The following ZNRF3 variants were observed in gnomAD, a reference collection of about 807,000 sequenced individuals.
ZNRF3 encodes the protein E3 ubiquitin-protein ligase ZNRF3.
Under a neutral mutation model 72.5 loss-of-function variants are expected in ZNRF3, and 23 were observed. The ratio of observed to expected loss-of-function variants is 0.32; its 90% CI spans 0.23 to 0.45. The LOEUF is 0.45. ZNRF3 is among the 20% of genes least tolerant of loss of function. The pLI is 1.00. For synonymous variants in ZNRF3, 610 were observed against 545.3 expected (o/e 1.12, Z -1.65); for missense variants, 1,169 against 1,272.1 (o/e 0.92, Z 1.23).
At chr22:28,982,891 A>G (rs946638783) in intron 1 of ZNRF3, among the ~76,000 whole-genome samples, 6 of 152,166 alleles carry the variant, frequency 3.9e-5, no homozygotes, top group Admixed American at 2.6e-4. Context: ...ATCGTATAAT[A>G]TGATATTCAA....
intron 1 of ZNRF3, among the ~76,000 whole-genome samples, chr22:28,959,505 A>G (rs1382424964): frequency 6.6e-6 from 1 of 152,254 alleles, no homozygotes. Context: ...CCACAGTAAT[A>G]TTAAGTAGAA....
intron 1 of ZNRF3, chr22:28,917,309 C>G (rs982857977): frequency 3.0e-5 from 10 of 328,352 alleles, no homozygotes; most frequent in African/African-American, 2.3e-4. Context: ...ACACACGACA[C>G]TAGGTATGTG....
intron 2 of ZNRF3, among the ~76,000 whole-genome samples, chr22:28,992,480 C>T (rs1009863860): frequency 2.6e-4 from 40 of 152,008 alleles, no homozygotes; most frequent in Non-Finnish European, 2.6e-4. Context: ...TGGTAGGAGA[C>T]GCAGCCCCCC....
At chr22:29,000,936 G>A (rs1245773303) in intron 2 of ZNRF3, among the ~76,000 whole-genome samples, 1 of 151,306 alleles carries the variant, frequency 6.6e-6, no homozygotes, top group African/African-American at 2.4e-5. Context: ...CTATAGGCAC[G>A]CCCACCACAC....
At chr22:29,002,894 G>A (rs1016246118) in intron 2 of ZNRF3, among the ~76,000 whole-genome samples, 1 of 152,200 alleles carries the variant, frequency 6.6e-6, no homozygotes, top group Admixed American at 6.5e-5. Flanking sequence ...AGATCCTTGT[G>A]CAGTGGCTTG....
chr22:28,981,093 G>T (rs1203784963), intron 1 of ZNRF3, among the ~76,000 whole-genome samples: 2 of 152,194 alleles, frequency 1.3e-5, no homozygotes, highest in African/African-American at 4.8e-5. Context: ...ATCCTACGAT[G>T]AATTTTCAAT....
At chr22:28,919,704 A>G (rs1427679248) in intron 1 of ZNRF3, among the ~76,000 whole-genome samples, 1 of 151,440 alleles carries the variant, frequency 6.6e-6, no homozygotes, top group African/African-American at 2.4e-5. Context: ...GTGGGGTTTC[A>G]CCATGTTGGC....
At chr22:28,903,312 C>T (rs902402619) in intron 1 of ZNRF3, among the ~76,000 whole-genome samples, 15 of 152,132 alleles carry the variant, frequency 9.9e-5, no homozygotes, top group African/African-American at 1.4e-4. Flanking sequence ...CTTGTTGTTC[C>T]TGGTTGCTCC....
intron 2 of ZNRF3, among the ~76,000 whole-genome samples, chr22:29,022,338 C>G (rs553473715): frequency 2.0e-5 from 3 of 152,182 alleles, no homozygotes; most frequent in African/African-American, 7.2e-5. Context: ...GTTAACGTGA[C>G]CCCCAAACCT....
chr22:28,889,066 G>A (rs2123742173), intron 1 of ZNRF3, among the ~76,000 whole-genome samples: 1 of 151,980 alleles, frequency 6.6e-6, no homozygotes, highest in African/African-American at 2.4e-5. Context: ...AGTGAGCTGA[G>A]ATCACACCAC....
rs183863072 is a variant in ZNRF3, at chr22:28,896,385, G to A, written c.300+12319G>A. The stretch of plus-strand genomic sequence containing the variant: ...CTTGACCTCGTGATCCGCCCGCCTC[G>A]GCCTCCCAAAGTGCTGGGCTTACAG... On this transcript the variant is annotated intron_variant, in intron 1 of 8. Transcript: ENST00000544604. Among the ~76,000 whole-genome samples, 447 of 151,698 alleles carry A rather than the reference G, an allele frequency of 2.9e-3. 1 individual carries two copies. The highest frequency in any genetic ancestry group is 5.9e-3 in the East Asian group (30 of 5,128).
chr22:29,048,518 C>G lies in ZNRF3; in HGVS notation c.1015+27C>G. ...TAACTGTCACCCGCCTTAGCCATTG[C>G]TGAAGAGTCAAGTGCCTAGCTAGAG... On this transcript the variant is annotated intron_variant, in intron 7 of 8. Coordinates refer to ENST00000544604, the MANE Select transcript of ZNRF3 (RefSeq NM_001206998.2). This position sits in a 1 kb window ranked among gnomAD's most constrained non-coding sequence, Gnocchi z 4.9. 1 of 1,608,016 alleles carries G rather than the reference C, an allele frequency of 6.2e-7. No individual in the cohort carries two copies. Among genetic ancestry groups the G allele is most frequent in the Non-Finnish European group, 8.5e-7 (1 of 1,174,504 alleles).
At chr22:28,925,473 C>T (rs1168168754) in intron 1 of ZNRF3, among the ~76,000 whole-genome samples, 2 of 152,152 alleles carry the variant, frequency 1.3e-5, no homozygotes, top group Non-Finnish European at 2.9e-5. Context: ...ATTGAATTGT[C>T]TGTAAGTTAC....
At chr22:28,975,193 C>T (rs1344746294) in intron 1 of ZNRF3, among the ~76,000 whole-genome samples, 3 of 151,886 alleles carry the variant, frequency 2.0e-5, no homozygotes, top group Non-Finnish European at 4.4e-5. Flanking sequence ...CCGAGGCGGG[C>T]GGATCATGAC....
chr22:28,896,954 A>G (rs1197056441), intron 1 of ZNRF3, among the ~76,000 whole-genome samples: 1 of 152,178 alleles, frequency 6.6e-6, no homozygotes, highest in Non-Finnish European at 1.5e-5. Flanking sequence ...TTTTTAAAAG[A>G]GACCAAGTCT....
Position 29,044,884 on chromosome 22 carries a change from C to T in ZNRF3, c.738C>T (p.Arg246=). ...TCAAAATCAAGCTGAAGCAGCGACG[C>T]AGTCAGGTAGTGCCTCTGTGTGTAG... ...LLVKIKLKQR[R]SQNSMNRLAV... Residue 246 remains arginine, a synonymous_variant, in exon 5 of 9, where the codon CGC becomes CGT. Coordinates refer to ENST00000544604, the MANE Select transcript of ZNRF3 (RefSeq NM_001206998.2). 6.2e-7 allele frequency: 1 copy of T among 1,612,956 alleles called. No individual in the cohort carries two copies. The highest frequency in any genetic ancestry group is 8.5e-7 in the Non-Finnish European group (1 of 1,179,000).
intron 1 of ZNRF3, among the ~76,000 whole-genome samples, chr22:28,942,542 C>T (rs879664350): frequency 1.3e-5 from 2 of 152,136 alleles, no homozygotes; most frequent in African/African-American, 2.4e-5. Flanking sequence ...TGAGTGACCT[C>T]GGGCAAGTCT....
chr22:28,919,918 ACT>A (rs1203979489), intron 1 of ZNRF3, among the ~76,000 whole-genome samples: 1 of 151,798 alleles, frequency 6.6e-6, no homozygotes, highest in East Asian at 1.9e-4. Flanking sequence ...GGAACATTGA[ACT>A]CTGTTCATTC....
At chr22:28,952,052 C>T (rs2035172676) in intron 1 of ZNRF3, among the ~76,000 whole-genome samples, 1 of 152,216 alleles carries the variant, frequency 6.6e-6, no homozygotes, top group Non-Finnish European at 1.5e-5. Flanking sequence ...CGAGTGCATT[C>T]TCCATGGGAC....
Sources: allele counts gnomAD v4.1 joint callset (sites outside exome capture counted in the v4.1 genomes callset), GRCh38; gene constraint gnomAD v4.1.1; non-coding constraint Gnocchi (gnomAD v3.1); transcripts MANE v1.5; gene names NCBI Gene and HGNC (gene_info 2026-07-23, HGNC 2026-07-21).